PLCL2: variants seen among roughly 807,000 people sequenced by gnomAD.
The protein encoded by PLCL2 is phospholipase C like 2, also known as inactive phospholipase C-like protein 2.
In PLCL2, 4 loss-of-function variants were observed where a neutral mutation model predicts 79.6. The observed-to-expected ratio is 0.05, with a 90% CI of 0.02 to 0.11. PLCL2 has a LOEUF of 0.11. PLCL2 is among the 10% of genes least tolerant of loss of function. The pLI is 1.00. For synonymous variants in PLCL2, 484 were observed against 457.7 expected (o/e 1.06, Z -0.73); for missense variants, 895 against 1,291.0 (o/e 0.69, Z 4.70).
chr3:16,978,977 C>T (rs1454558314), intron 1 of PLCL2, among the ~76,000 whole-genome samples: 1 of 152,176 alleles, frequency 6.6e-6, no homozygotes, highest in Non-Finnish European at 1.5e-5. Context: ...AAAGGTAATT[C>T]TAAGGAATGA....
Position 17,083,406 on chromosome 3 carries a change from C to G in PLCL2, c.3205-6327C>G, listed in dbSNP as rs572793105. Among the ~76,000 whole-genome samples, 14 of 152,154 alleles carry G rather than the reference C, an allele frequency of 9.2e-5. No homozygotes were observed. In the East Asian group the frequency reaches 2.1e-3, roughly 23 times the overall value. ...GTTTGAGGAACATTTAGGAGCGTAG[C>G]ATATCAGAGGCTGAGTGAACAATAC... is the stretch of plus-strand genomic sequence containing the variant. On this transcript the variant is annotated intron_variant, in intron 5 of 5. Transcript: ENST00000615277.
chr3:17,079,960 A>C (rs1324721389), intron 5 of PLCL2, among the ~76,000 whole-genome samples: 3 of 152,124 alleles, frequency 2.0e-5, no homozygotes, highest in African/African-American at 7.2e-5. Flanking sequence ...AGCAAAAACC[A>C]AGGGCAGGAG....
intron 1 of PLCL2, among the ~76,000 whole-genome samples, chr3:16,904,326 T>C (rs915134374): frequency 2.9e-5 from 4 of 137,798 alleles, no homozygotes; most frequent in African/African-American, 1.2e-4. Flanking sequence ...AAGCAAACTT[T>C]GGAGTTCATT....
intron 5 of PLCL2, among the ~76,000 whole-genome samples, chr3:17,072,228 A>G (rs1293025204): frequency 2.6e-5 from 4 of 152,226 alleles, no homozygotes; most frequent in Non-Finnish European, 4.4e-5. Context: ...AATTTCTACC[A>G]TAACAAAGAT....
chr3:17,089,837 A>T lies in PLCL2; in HGVS notation c.3309A>T (p.Glu1103Asp), dbSNP rs2065255217. ...GTGGACTGAATAAACCAGGCACCGA[A>T]AATGCTGATGTCCAGAAGCCACGCC... ...VSCGLNKPGTENADVQKPRRS... is the reference protein window; with the variant it reads ...VSCGLNKPGTDNADVQKPRRS... The change falls in exon 6 of 6, where the codon GAA becomes GAT. Residue 1103 changes from glutamate to aspartate, a missense_variant. Transcript: ENST00000615277. 1 of 1,614,148 alleles carries T rather than the reference A, an allele frequency of 6.2e-7. No individual in the cohort carries two copies. The highest frequency in any genetic ancestry group is 8.5e-7 in the Non-Finnish European group (1 of 1,179,994).
intron 1 of PLCL2, among the ~76,000 whole-genome samples, chr3:16,965,315 A>C (rs1405010727): frequency 6.6e-6 from 1 of 152,150 alleles, no homozygotes; most frequent in Non-Finnish European, 1.5e-5. Context: ...AGGTTTGTCA[A>C]AGATCAGATG....
chr3:16,989,153 C>T lies in PLCL2; in HGVS notation c.328-20521C>T, dbSNP rs1486872215. ...GTAATTTTTAAAGGTGTAAGACCTA[C>T]AAAATGTTATTCTTCCAAAAAAATT... On this transcript the variant is annotated intron_variant, in intron 1 of 5. Transcript: ENST00000615277. 2.0e-5 allele frequency among the ~76,000 whole-genome samples: 3 copies of T among 152,222 alleles called. No homozygotes were observed. In the East Asian group the frequency reaches 5.8e-4, roughly 29 times the overall value.
At chr3:17,032,165 C>G (rs1203725690) in intron 3 of PLCL2, among the ~76,000 whole-genome samples, 3 of 152,036 alleles carry the variant, frequency 2.0e-5, no homozygotes, top group Non-Finnish European at 1.5e-5. Context: ...AACGTATATT[C>G]ATTGACTTCA....
At chr3:16,891,311 A>G (rs188433378) in intron 1 of PLCL2, among the ~76,000 whole-genome samples, 1 of 152,224 alleles carries the variant, frequency 6.6e-6, no homozygotes, top group African/African-American at 2.4e-5. Flanking sequence ...ATTGTTGTAA[A>G]GATTAAAGGA....
intron 1 of PLCL2, among the ~76,000 whole-genome samples, chr3:16,980,834 A>G (rs1466363779): frequency 2.6e-5 from 4 of 152,196 alleles, no homozygotes; most frequent in Admixed American, 2.0e-4. Flanking sequence ...ACTGCACTCC[A>G]GCCTGGGCAC....
chr3:16,911,929 A>G (rs1015259451), intron 1 of PLCL2, among the ~76,000 whole-genome samples: 1 of 152,190 alleles, frequency 6.6e-6, no homozygotes, highest in African/African-American at 2.4e-5. Flanking sequence ...ATTATTAACA[A>G]TATTGTATAA....
rs567549741 is a variant in PLCL2, at chr3:16,886,605, T to A, written c.327+1239T>A. On this transcript the variant is annotated intron_variant, in intron 1 of 5. Coordinates refer to ENST00000615277, the MANE Select transcript of PLCL2 (RefSeq NM_001144382.2). This position sits in a 1 kb window ranked among gnomAD's most constrained non-coding sequence, Gnocchi z 4.2. Reference sequence around the variant, plus strand: ...GTCATCTGTTTGCGCAGTTTATGTCTGGGCAAGGACACAATTTGAAGGGTT... The same window carrying A: ...GTCATCTGTTTGCGCAGTTTATGTCAGGGCAAGGACACAATTTGAAGGGTT... 1.6e-4 allele frequency among the ~76,000 whole-genome samples: 24 copies of A among 152,362 alleles called. No individual in the cohort carries two copies. Among genetic ancestry groups the A allele is most frequent in the African/African-American group, 5.5e-4 (23 of 41,590 alleles).
intron 4 of PLCL2, among the ~76,000 whole-genome samples, chr3:17,045,263 C>T (rs562727644): frequency 6.6e-5 from 10 of 152,212 alleles, no homozygotes; most frequent in Non-Finnish European, 1.2e-4. Flanking sequence ...AGATGTATTT[C>T]GAATTTTAAA....
intron 1 of PLCL2, among the ~76,000 whole-genome samples, chr3:16,910,579 G>A (rs1696855326): frequency 2.6e-5 from 4 of 151,722 alleles, no homozygotes. Flanking sequence ...CTTTCTATCT[G>A]TTCACACTAT....
At chr3:16,944,830 G>T (rs938246982) in intron 1 of PLCL2, among the ~76,000 whole-genome samples, 1 of 151,680 alleles carries the variant, frequency 6.6e-6, no homozygotes, top group Non-Finnish European at 1.5e-5. Flanking sequence ...CGTGATCTTG[G>T]GTCACTGGAA....
At chr3:17,040,824 T>C (rs2064712158) in intron 3 of PLCL2, among the ~76,000 whole-genome samples, 1 of 152,238 alleles carries the variant, frequency 6.6e-6, no homozygotes, top group African/African-American at 2.4e-5. Flanking sequence ...CTCATCTGCA[T>C]GTGTGAGCCT....
intron 1 of PLCL2, among the ~76,000 whole-genome samples, chr3:16,924,927 G>GTT (rs768458330): frequency 2.7e-5 from 4 of 148,982 alleles, no homozygotes; most frequent in Non-Finnish European, 4.5e-5. Flanking sequence ...ATACAAGTTT[G>GTT]TTTGTTTTTT....
intron 1 of PLCL2, among the ~76,000 whole-genome samples, chr3:16,944,582 T>C (rs1223055126): frequency 6.6e-6 from 1 of 152,004 alleles, no homozygotes. Context: ...CACACAGAGA[T>C]AAACAGACCA....
rs1002572945 is a variant in PLCL2, at chr3:17,009,729, C to G, written c.383C>G (p.Pro128Arg). The G allele has an allele frequency of 6.2e-7, 1 of 1,610,846 alleles. No homozygotes were observed. Among genetic ancestry groups the G allele is most frequent in the Non-Finnish European group, 8.5e-7 (1 of 1,177,350 alleles). Residue 128 changes from proline (P) to arginine (R), a missense_variant, in exon 2 of 6, where the codon CCA becomes CGA. By Grantham distance (103) the Pro-to-Arg change is moderately radical (BLOSUM62 -2). Transcript: ENST00000615277. The surrounding 1 kb of genome is among the most constrained non-coding windows in gnomAD (Gnocchi z 4.0). ...AAGACAGTCTCATTCAGCAGCATGCCAACAGAGAAGAAGATCAGCAGTGCA... is the reference window on the plus strand; with the variant it reads ...AAGACAGTCTCATTCAGCAGCATGCGAACAGAGAAGAAGATCAGCAGTGCA... ...RKKTVSFSSM[P>R]TEKKISSASD...
Sources: gnomAD v4.1 joint callset for allele counts (sites outside exome capture counted in the v4.1 genomes callset) on GRCh38, gnomAD v4.1.1 for gene constraint, Gnocchi (gnomAD v3.1) non-coding constraint, MANE v1.5 for transcripts, NCBI Gene and HGNC (gene_info 2026-07-23, HGNC 2026-07-21) for gene names.